The following HS1BP3 variants were observed in gnomAD, a reference collection of about 807,000 sequenced individuals.
HS1BP3 encodes HCLS1-binding protein 3.
A neutral mutation model predicts 33.5 loss-of-function variants in HS1BP3; 32 were observed. That is an observed-to-expected ratio of 0.95 (90% CI 0.72 to 1.28). The LOEUF is 1.28. Ranked by LOEUF, HS1BP3 falls within the 50% of genes most tolerant of loss-of-function variation. The pLI, the probability that HS1BP3 is intolerant of heterozygous loss-of-function variation, is 0.00. For synonymous variants in HS1BP3, 187 were observed against 209.2 expected (o/e 0.89, Z 0.92); for missense variants, 486 against 502.3 (o/e 0.97, Z 0.31).
chr2:20,632,522 C>T (rs975725227), intron 4 of HS1BP3, among the ~76,000 whole-genome samples: 3 of 152,230 alleles, frequency 2.0e-5, no homozygotes, highest in Non-Finnish European at 4.4e-5. Flanking sequence ...GCTCTCATGC[C>T]CTCCTGTGTG....
chr2:20,582,593 A>ATGGTC (rs1315484542), intron 5 of HS1BP3, among the ~76,000 whole-genome samples: 5 of 151,962 alleles, frequency 3.3e-5, no homozygotes. Flanking sequence ...CCATTACATC[A>ATGGTC]TGGTCCCTTT....
At chr2:20,556,675 G>A (rs1217362933), downstream of HS1BP3, among the ~76,000 whole-genome samples, 1 of 152,148 alleles carries the variant, frequency 6.6e-6, no homozygotes, top group Non-Finnish European at 1.5e-5. Context: ...GAAGACACAA[G>A]ACTTGGGGTC....
intron 5 of HS1BP3, among the ~76,000 whole-genome samples, chr2:20,574,757 G>T (rs1027780680): frequency 1.3e-5 from 2 of 152,204 alleles, no homozygotes; most frequent in African/African-American, 4.8e-5. Flanking sequence ...CCTCACAGGG[G>T]TCTGCTTCCT....
At chr2:20,642,362 T>TG (rs56344027) in intron 2 of HS1BP3, among the ~76,000 whole-genome samples, 138,505 of 152,184 alleles carry the variant, frequency 0.91, 63,125 homozygotes, top group East Asian at 0.97. Flanking sequence ...AGGAGGCAGC[T>TG]GGGGGGATTT....
At chr2:20,625,530 G>A (rs1312709557) in intron 4 of HS1BP3, among the ~76,000 whole-genome samples, 1 of 152,224 alleles carries the variant, frequency 6.6e-6, no homozygotes, top group East Asian at 1.9e-4. Flanking sequence ...AAGCAGCTTT[G>A]GTAAGTGCCT....
chr2:20,632,241 C>T (rs928597369), intron 4 of HS1BP3, among the ~76,000 whole-genome samples: 1 of 152,206 alleles, frequency 6.6e-6, no homozygotes, highest in Non-Finnish European at 1.5e-5. Flanking sequence ...TGATGGTGGC[C>T]GACACCTCCC....
At chr2:20,584,507 A>T (rs1693633067) in intron 5 of HS1BP3, among the ~76,000 whole-genome samples, 1 of 152,200 alleles carries the variant, frequency 6.6e-6, no homozygotes, top group Non-Finnish European at 1.5e-5. Context: ...CGCCAACTGC[A>T]TAAGGCTCTT....
At chr2:20,600,402 G>A (rs1433475778) in intron 2 of HS1BP3, among the ~76,000 whole-genome samples, 1 of 152,184 alleles carries the variant, frequency 6.6e-6, no homozygotes, top group Admixed American at 6.5e-5. Context: ...AAGTCGCAAC[G>A]GCCCTAGCAG....
chr2:20,622,133 G>A (rs1694620495), intron 6 of HS1BP3: 3 of 1,237,444 alleles, frequency 2.4e-6, no homozygotes, highest in African/African-American at 1.6e-5. Flanking sequence ...CGGCCTCAGG[G>A]TGGCTGAGGC....
intron 5 of HS1BP3, among the ~76,000 whole-genome samples, chr2:20,564,983 G>T (rs1693090864): frequency 6.6e-6 from 1 of 152,222 alleles, no homozygotes; most frequent in Non-Finnish European, 1.5e-5. Context: ...TGCAGGCTCT[G>T]CCCTGTTCTT....
At chr2:20,633,786 G>C (rs1358946336) in intron 4 of HS1BP3, among the ~76,000 whole-genome samples, 2 of 152,234 alleles carry the variant, frequency 1.3e-5, no homozygotes, top group African/African-American at 4.8e-5. Flanking sequence ...GCTGCCCAGA[G>C]TGCTGGGATT....
chr2:20,605,956 C>T (rs1002212555), intron 2 of HS1BP3, among the ~76,000 whole-genome samples: 4 of 152,188 alleles, frequency 2.6e-5, no homozygotes, highest in Non-Finnish European at 5.9e-5. Context: ...TTCTTTGGGG[C>T]ATATACCTAG....
At chr2:20,640,887 G>A (rs1259936661) in intron 3 of HS1BP3, 86 bp downstream of exon 3, 3 of 1,325,740 alleles carry the variant, frequency 2.3e-6, no homozygotes, top group African/African-American at 2.9e-5. Flanking sequence ...AGAGGCAGCT[G>A]TGGACATGCT....
intron 2 of HS1BP3, among the ~76,000 whole-genome samples, chr2:20,599,938 G>A (rs561231995): frequency 1.4e-4 from 21 of 152,272 alleles, no homozygotes; most frequent in Admixed American, 3.9e-4. Flanking sequence ...GTCTGCCTGC[G>A]TTCCTTGTGA....
At chr2:20,558,833 A>G (rs1023192288), downstream of HS1BP3, among the ~76,000 whole-genome samples, 2 of 152,130 alleles carry the variant, frequency 1.3e-5, no homozygotes, top group Non-Finnish European at 2.9e-5. Flanking sequence ...GCCCATGACC[A>G]CAGAGGGGGT....
downstream of HS1BP3, among the ~76,000 whole-genome samples, chr2:20,589,623 C>A (rs1693763384): frequency 6.6e-6 from 1 of 152,214 alleles, no homozygotes; most frequent in Non-Finnish European, 1.5e-5. Flanking sequence ...AGGTGTTTTG[C>A]AGATCTGAAA....
chr2:20,558,839 G>T (rs940542817), downstream of HS1BP3, among the ~76,000 whole-genome samples: 2 of 152,192 alleles, frequency 1.3e-5, no homozygotes, highest in African/African-American at 4.8e-5. Flanking sequence ...GACCACAGAG[G>T]GGGTAGGGCC....
intron 4 of HS1BP3, among the ~76,000 whole-genome samples, chr2:20,629,382 G>A (rs753410040): frequency 6.6e-5 from 10 of 152,104 alleles, no homozygotes; most frequent in Non-Finnish European, 8.8e-5. Context: ...TGCAGTGCCC[G>A]CCCTCCAGCC....
At chr2:20,588,472 C>T (rs190833788), downstream of HS1BP3, among the ~76,000 whole-genome samples, 249 of 152,284 alleles carry the variant, frequency 1.6e-3, 2 homozygotes, top group African/African-American at 5.7e-3. Context: ...CCAGCCACCA[C>T]GCCTGGCTAA....
Sources: gnomAD v4.1 joint callset for allele counts (sites outside exome capture counted in the v4.1 genomes callset) on GRCh38, gnomAD v4.1.1 for gene constraint, MANE v1.5 for transcripts, NCBI Gene and HGNC (gene_info 2026-07-23, HGNC 2026-07-21) for gene names.